Variants in SAXO1 observed in about 807,000 individuals in gnomAD.
The protein encoded by SAXO1 is 4930500O09Rik.
SAXO1 carries 21 observed loss-of-function variants against 17.5 expected under a neutral mutation model. The ratio of observed to expected loss-of-function variants is 1.20; its 90% confidence interval spans 0.85 to 1.72. The LOEUF (loss-of-function observed/expected upper bound fraction) is 1.72. Ranked by LOEUF, SAXO1 falls within the 40% of genes most tolerant of loss-of-function variation. The probability of loss-of-function intolerance (pLI) is 0.00; values close to 1 mark genes in which losing one functional copy is unlikely to be tolerated. For missense variants in SAXO1, 843 were observed against 596.0 expected (o/e 1.41, Z -4.32); for synonymous variants, 274 against 216.5 (o/e 1.27, Z -2.33).
chr9:18,981,641 CA>C (rs1188785792), intron 1 of SAXO1, among the ~76,000 whole-genome samples: 1 of 152,190 alleles, frequency 6.6e-6, no homozygotes, highest in Non-Finnish European at 1.5e-5. Context: ...TTAGAACAGG[CA>C]TTCACAAATG....
intron 1 of SAXO1, among the ~76,000 whole-genome samples, chr9:19,024,202 G>C (rs1210105798): frequency 1.3e-5 from 2 of 151,820 alleles, no homozygotes; most frequent in African/African-American, 4.8e-5. Flanking sequence ...TACTCAGGCA[G>C]ACATGATGTC....
chr9:19,027,346 G>A lies in SAXO1; in HGVS notation c.38+5525C>T, dbSNP rs566250870. The A allele has an allele frequency of 2.8e-3, 2,184 of 785,306 alleles. 14 individuals are homozygous for A. Among genetic ancestry groups the A allele is most frequent in the South Asian group, 8.0e-3 (594 of 74,018 alleles). 48.6% of individuals were successfully genotyped at this position (785,306 alleles called of 1,614,324 possible). ...ATCCTGGAGACACTGCCCAGAGTAC[G>A]ACTCGCGGGTGAAGGCCACAGAGGT... On this transcript the variant is annotated intron_variant, in intron 1 of 3. Coordinates refer to ENST00000380534, the MANE Select transcript of SAXO1 (RefSeq NM_153707.4).
intron 3 of SAXO1, among the ~76,000 whole-genome samples, 169 bp from the exon 4 acceptor site, chr9:18,929,224 A>C (rs912402669): frequency 6.6e-6 from 1 of 152,164 alleles, no homozygotes; most frequent in Non-Finnish European, 1.5e-5. Context: ...TGATGTGTCA[A>C]CTTTATGGTA....
chr9:18,969,114 C>T (rs964099066), intron 1 of SAXO1, among the ~76,000 whole-genome samples: 1 of 151,970 alleles, frequency 6.6e-6, no homozygotes, highest in African/African-American at 2.4e-5. Context: ...AGCAGTGGGG[C>T]CTACATGAAA....
intron 1 of SAXO1, among the ~76,000 whole-genome samples, chr9:18,991,323 C>T (rs746157482): frequency 6.6e-6 from 1 of 152,170 alleles, no homozygotes; most frequent in Non-Finnish European, 1.5e-5. Flanking sequence ...ACCCAAATGT[C>T]CATCAATGAC....
intron 1 of SAXO1, among the ~76,000 whole-genome samples, chr9:19,044,245 A>C (rs1469170574): frequency 6.6e-6 from 1 of 152,230 alleles, no homozygotes; most frequent in Non-Finnish European, 1.5e-5. Flanking sequence ...TGCCTGTATC[A>C]AAGTATCTCA....
At chr9:19,042,296 A>C (rs777357925) in intron 1 of SAXO1, among the ~76,000 whole-genome samples, 13 of 152,210 alleles carry the variant, frequency 8.5e-5, no homozygotes, top group African/African-American at 1.2e-4. Flanking sequence ...GCAATAACAA[A>C]TGCTGGCAAG....
intron 1 of SAXO1, among the ~76,000 whole-genome samples, chr9:18,955,202 AAAAAACT>A (rs1022456867): frequency 2.0e-5 from 3 of 152,242 alleles, no homozygotes; most frequent in African/African-American, 7.2e-5. Context: ...GTATCTCTAA[AAAAAACT>A]AAAAAGTTTT....
At chr9:18,934,390 T>A (rs932007835) in intron 3 of SAXO1, among the ~76,000 whole-genome samples, 7 of 152,162 alleles carry the variant, frequency 4.6e-5, no homozygotes, top group African/African-American at 1.4e-4. Flanking sequence ...AGATTGGGAA[T>A]CTCTATTGAA....
At chr9:18,941,918 A>T (rs1831581702) in intron 2 of SAXO1, 79 bp from the exon 3 acceptor site, 1 of 1,374,062 alleles carries the variant, frequency 7.3e-7, no homozygotes, top group Non-Finnish European at 1.0e-6. Context: ...CCAACTCTAC[A>T]AACATTTGCT....
At chr9:19,004,429 C>T (rs139492900) in intron 1 of SAXO1, among the ~76,000 whole-genome samples, 48 of 152,216 alleles carry the variant, frequency 3.2e-4, no homozygotes, top group Admixed American at 9.8e-4. Context: ...ATGTTTATTG[C>T]GGCACTATTC....
chr9:18,960,800 G>GAAAT (rs1554671606), intron 1 of SAXO1, among the ~76,000 whole-genome samples: 2 of 5,904 alleles, frequency 3.4e-4, no homozygotes, highest in Non-Finnish European at 7.4e-4. Flanking sequence ...AAAAATTGCT[G>GAAAT]AATTAATCGA....
At chr9:19,019,323 G>A (rs1780951378) in intron 1 of SAXO1, among the ~76,000 whole-genome samples, 1 of 152,122 alleles carries the variant, frequency 6.6e-6, no homozygotes, top group South Asian at 2.1e-4. Context: ...CAGAAATCTA[G>A]GTTTCTAGTG....
At chr9:18,936,938 A>G (rs1257123558) in intron 3 of SAXO1, among the ~76,000 whole-genome samples, 1 of 152,224 alleles carries the variant, frequency 6.6e-6, no homozygotes, top group African/African-American at 2.4e-5. Context: ...AAAAGATTTC[A>G]TATTTTTTCT....
intron 1 of SAXO1, among the ~76,000 whole-genome samples, chr9:19,023,950 G>C (rs1171382503): frequency 2.1e-5 from 3 of 143,216 alleles, no homozygotes; most frequent in Non-Finnish European, 4.5e-5. Context: ...ACTAACCTAG[G>C]CAACATAGTG....
chr9:18,965,898 T>C (rs553159128), intron 1 of SAXO1, among the ~76,000 whole-genome samples: 2 of 152,360 alleles, frequency 1.3e-5, no homozygotes, highest in African/African-American at 2.4e-5. Flanking sequence ...TTCCTTTCCA[T>C]ATTTAGTGCT....
At chr9:18,932,625 GACA>G (rs955501662) in intron 3 of SAXO1, among the ~76,000 whole-genome samples, 1 of 152,152 alleles carries the variant, frequency 6.6e-6, no homozygotes, top group African/African-American at 2.4e-5. Flanking sequence ...ATCAATTTGG[GACA>G]ACTTTACCTT....
chr9:19,017,639 CA>C (rs1210012629), intron 1 of SAXO1, among the ~76,000 whole-genome samples: 1 of 152,242 alleles, frequency 6.6e-6, no homozygotes, highest in African/African-American at 2.4e-5. Flanking sequence ...AACTGCCCCA[CA>C]GCCTTTTGCT....
At chr9:18,935,995 T>A (rs1021008776) in intron 3 of SAXO1, among the ~76,000 whole-genome samples, 2 of 152,164 alleles carry the variant, frequency 1.3e-5, no homozygotes, top group African/African-American at 4.8e-5. Context: ...ATAACCAAGG[T>A]GCCACAGTTT....
Sources: allele counts gnomAD v4.1 joint callset (sites outside exome capture counted in the v4.1 genomes callset), GRCh38; gene constraint gnomAD v4.1.1; transcripts MANE v1.5; gene names NCBI Gene and HGNC (gene_info 2026-07-23, HGNC 2026-07-21).